The following SIL1 variants were observed in gnomAD, a reference collection of about 807,000 sequenced individuals.
SIL1 encodes the protein nucleotide exchange factor SIL1.
In SIL1, 40 loss-of-function variants were observed where a neutral mutation model predicts 49.1. The observed-to-expected ratio is 0.81, with a 90% CI of 0.63 to 1.06. SIL1 has a LOEUF of 1.06. Ranked by LOEUF, SIL1 falls within the 50% of genes least tolerant of loss-of-function variation. SIL1 has a pLI of 0.00. For synonymous variants in SIL1, 253 were observed against 250.8 expected (o/e 1.01, Z -0.08); for missense variants, 500 against 572.6 (o/e 0.87, Z 1.29).
At chr5:138,968,325 A>AT (rs1392955185) in intron 7 of SIL1, among the ~76,000 whole-genome samples, 2 of 152,120 alleles carry the variant, frequency 1.3e-5, no homozygotes, top group African/African-American at 2.4e-5. Context: ...CAGCGTTTCC[A>AT]TTCAAGAGGT....
At chr5:139,175,566 C>G (rs774649917) in intron 1 of SIL1, among the ~76,000 whole-genome samples, 12 of 152,226 alleles carry the variant, frequency 7.9e-5, no homozygotes, top group Non-Finnish European at 1.5e-5. Flanking sequence ...AACATCAATC[C>G]TTCTCAAACT....
intron 7 of SIL1, among the ~76,000 whole-genome samples, chr5:139,018,831 TACTC>T (rs1442370960): frequency 7.9e-5 from 12 of 152,202 alleles, no homozygotes; most frequent in African/African-American, 2.7e-4. Flanking sequence ...TATTATTTGA[TACTC>T]ACTCAATTTT....
chr5:139,002,508 T>C (rs1768010352), intron 7 of SIL1, among the ~76,000 whole-genome samples: 2 of 152,058 alleles, frequency 1.3e-5, no homozygotes, highest in Non-Finnish European at 2.9e-5. Context: ...ATAGAAACCA[T>C]GAAATAAGCA....
chr5:139,034,660 A>C (rs969195034), intron 5 of SIL1, among the ~76,000 whole-genome samples: 3 of 152,216 alleles, frequency 2.0e-5, no homozygotes, highest in African/African-American at 7.2e-5. Context: ...ATTCCTCACT[A>C]TACATTCAGA....
Position 139,037,953 on chromosome 5 carries a change from C to T in SIL1, c.453+4667G>A, listed in dbSNP as rs372182168. On this transcript the variant is annotated intron_variant, in intron 5 of 9. Transcript: ENST00000394817. ...GGAAGTCCAAGATCAAGGAATGAGT[C>T]GACGTGGTTCCTGGTGAGGGTCCCC... is the stretch of plus-strand genomic sequence containing the variant. Among the ~76,000 whole-genome samples, 41 of 152,274 alleles carry T rather than the reference C, an allele frequency of 2.7e-4. No homozygotes were observed. In the Middle Eastern group the frequency reaches 0.024, roughly 88 times the overall value.
At chr5:139,049,832 A>G (rs1281233584) in intron 4 of SIL1, among the ~76,000 whole-genome samples, 1 of 152,012 alleles carries the variant, frequency 6.6e-6, no homozygotes, top group Non-Finnish European at 1.5e-5. Flanking sequence ...TCATCATCCA[A>G]GGACTGAGTA....
chr5:139,132,824 G>C (rs1423800997), intron 1 of SIL1, among the ~76,000 whole-genome samples: 2 of 152,188 alleles, frequency 1.3e-5, no homozygotes, highest in East Asian at 1.9e-4. Flanking sequence ...AGAAGGGAAA[G>C]GGGGAAAGGG....
At chr5:139,026,528 A>G (rs974838071) in intron 6 of SIL1, among the ~76,000 whole-genome samples, 15 of 152,154 alleles carry the variant, frequency 9.9e-5, no homozygotes, top group African/African-American at 3.6e-4. Context: ...GCTTGAACCC[A>G]GGAGGTGGAG....
At chr5:139,022,062 T>C (rs1044099665) in intron 6 of SIL1, 1 of 152,700 alleles carries the variant, frequency 6.5e-6, no homozygotes, top group African/African-American at 2.4e-5. Context: ...TTACCCACAG[T>C]TTATTAGTAC....
At chr5:139,077,163 C>T (rs1397694434) in intron 3 of SIL1, among the ~76,000 whole-genome samples, 3 of 152,140 alleles carry the variant, frequency 2.0e-5, no homozygotes, top group Non-Finnish European at 4.4e-5. Flanking sequence ...TTCCCCACCA[C>T]CTCTGACCCT....
intron 4 of SIL1, among the ~76,000 whole-genome samples, chr5:139,047,219 G>A (rs1769185848): frequency 6.6e-6 from 1 of 152,236 alleles, no homozygotes; most frequent in African/African-American, 2.4e-5. Flanking sequence ...CAAAAAGAGA[G>A]ATGTACTACG....
At chr5:138,995,921 T>G (rs1017049280) in intron 7 of SIL1, among the ~76,000 whole-genome samples, 2 of 152,262 alleles carry the variant, frequency 1.3e-5, no homozygotes, top group Non-Finnish European at 2.9e-5. Context: ...TGCCACATTT[T>G]CTTTATCCAT....
chr5:138,998,630 G>A (rs1767923871), intron 7 of SIL1, among the ~76,000 whole-genome samples: 1 of 152,102 alleles, frequency 6.6e-6, no homozygotes. Flanking sequence ...TGGTGACAGT[G>A]GGAGAAGGGA....
At chr5:139,123,607 C>T (rs1229089533) in intron 2 of SIL1, among the ~76,000 whole-genome samples, 1 of 152,206 alleles carries the variant, frequency 6.6e-6, no homozygotes, top group Non-Finnish European at 1.5e-5. Context: ...AAGCATTAGA[C>T]TGCAGGACCA....
chr5:139,125,146 T>C (rs569998262), intron 2 of SIL1, among the ~76,000 whole-genome samples: 5 of 152,306 alleles, frequency 3.3e-5, no homozygotes, highest in African/African-American at 9.6e-5. Flanking sequence ...CTAGGCAGTG[T>C]CCTGAACAGG....
chr5:139,028,838 T>C, intron 5 of SIL1, among the ~76,000 whole-genome samples: 1 of 152,216 alleles, frequency 6.6e-6, no homozygotes, highest in East Asian at 1.9e-4. Context: ...ACCAGAACAA[T>C]CATGCTAGAG....
At chr5:139,061,612 C>T (rs1383474052) in intron 3 of SIL1, among the ~76,000 whole-genome samples, 2 of 152,136 alleles carry the variant, frequency 1.3e-5, no homozygotes, top group African/African-American at 4.8e-5. Context: ...GTCTGTTTTC[C>T]CTAATGTGCT....
chr5:138,983,507 C>T (rs1443678508), intron 7 of SIL1, among the ~76,000 whole-genome samples: 4 of 146,014 alleles, frequency 2.7e-5, no homozygotes, highest in African/African-American at 1.0e-4. Flanking sequence ...GATTTTGTCT[C>T]GAAAAAAAAA....
chr5:139,110,786 C>T (rs182069345), intron 3 of SIL1, among the ~76,000 whole-genome samples: 1 of 152,342 alleles, frequency 6.6e-6, no homozygotes, highest in East Asian at 1.9e-4. Flanking sequence ...TCCCTGTCTT[C>T]AGAAGAGGGA....
Sources: allele counts gnomAD v4.1 joint callset (sites outside exome capture counted in the v4.1 genomes callset), GRCh38; gene constraint gnomAD v4.1.1; transcripts MANE v1.5; gene names NCBI Gene and HGNC (gene_info 2026-07-23, HGNC 2026-07-21).